The following ANOS1 variants were observed in gnomAD, a reference collection of about 807,000 sequenced individuals.
The protein encoded by ANOS1 is anosmin 1, also known as anosmin-1.
In ANOS1, 6 loss-of-function variants were observed where a neutral mutation model predicts 59.0. The observed-to-expected ratio is 0.10, with a 90% confidence interval of 0.06 to 0.20. The LOEUF is 0.20. ANOS1 is among the 10% of genes least tolerant of loss of function. The probability of loss-of-function intolerance (pLI) is 1.00; values close to 1 mark genes in which losing one functional copy is unlikely to be tolerated. For missense variants in ANOS1, 433 were observed against 542.3 expected, an observed-to-expected ratio of 0.80 and a Z score of 2.00; for synonymous variants, 217 against 223.4, an observed-to-expected ratio of 0.97 and a Z score of 0.25.
At chrX:8,605,322 G>A (rs1309266494) in intron 3 of ANOS1, among the ~76,000 whole-genome samples, 2 of 111,084 alleles carry the variant, frequency 1.8e-5, no homozygotes, top group African/African-American at 6.6e-5. Flanking sequence ...AGAGCATGAA[G>A]ACAAGGTAGT....
At chrX:8,694,911 A>C (rs2146895779) in intron 2 of ANOS1, among the ~76,000 whole-genome samples, 1 of 112,166 alleles carries the variant, frequency 8.9e-6, no homozygotes, top group African/African-American at 3.2e-5. Flanking sequence ...GTGTATATTT[A>C]CTTTCTTGAT....
chrX:8,693,504 A>G (rs759850936), intron 2 of ANOS1, among the ~76,000 whole-genome samples: 1 of 111,652 alleles, frequency 9.0e-6, no homozygotes, highest in African/African-American at 3.3e-5. Flanking sequence ...CCTTAAGACC[A>G]TGAGCAGAGC....
At chrX:8,602,782 AGGCTAGAGTACACTTGCAT>A (rs1930868075) in intron 3 of ANOS1, among the ~76,000 whole-genome samples, 1 of 110,985 alleles carries the variant, frequency 9.0e-6, no homozygotes, top group South Asian at 3.8e-4. Flanking sequence ...CTCTGTCGCC[AGGCTAGAGTACACTTGCAT>A]GATCTCGGCT....
intron 9 of ANOS1, among the ~76,000 whole-genome samples, chrX:8,547,821 A>G (rs1929793337): frequency 9.0e-6 from 1 of 110,930 alleles, no homozygotes; most frequent in East Asian, 2.8e-4. Context: ...GGTTCAAGCG[A>G]ATCTCCTGCC....
intron 3 of ANOS1, among the ~76,000 whole-genome samples, chrX:8,605,006 ATAGTATGT>A (rs1930913352): frequency 8.9e-6 from 1 of 112,858 alleles, no homozygotes; most frequent in Non-Finnish European, 1.9e-5. Context: ...TGAAAGGAAA[ATAGTATGT>A]TAATACATAA....
intron 8 of ANOS1, among the ~76,000 whole-genome samples, chrX:8,560,059 C>T (rs777829362): frequency 2.9e-4 from 32 of 111,611 alleles, no homozygotes; most frequent in African/African-American, 9.1e-4. Flanking sequence ...TGGGGCTATT[C>T]GGGGTGTTTT....
At chrX:8,613,254 C>G in intron 3 of ANOS1, among the ~76,000 whole-genome samples, 1 of 109,847 alleles carries the variant, frequency 9.1e-6, no homozygotes, top group Non-Finnish European at 1.9e-5. Flanking sequence ...GTCACCCAGG[C>G]TGGAGTGCAG....
intron 2 of ANOS1, among the ~76,000 whole-genome samples, chrX:8,657,495 G>GTC (rs1410699795): frequency 8.3e-4 from 79 of 95,658 alleles, no homozygotes; most frequent in Non-Finnish European, 1.4e-3. Flanking sequence ...TTTTTACGGA[G>GTC]TCTTGCTCTG....
chrX:8,552,494 A>G (rs138948272), intron 9 of ANOS1, among the ~76,000 whole-genome samples: 5,956 of 112,016 alleles, frequency 0.053, 391 homozygotes, highest in African/African-American at 0.18. Context: ...AATATAAATG[A>G]ATGAATTGTT....
intron 6 of ANOS1, among the ~76,000 whole-genome samples, chrX:8,572,289 A>T (rs1462623154): frequency 9.2e-6 from 1 of 108,377 alleles, no homozygotes; most frequent in Non-Finnish European, 1.9e-5. Flanking sequence ...CTACCTCCCC[A>T]CCTCCCCCAA....
At chrX:8,668,294 A>G (rs1351680155) in intron 2 of ANOS1, among the ~76,000 whole-genome samples, 6 of 105,260 alleles carry the variant, frequency 5.7e-5, no homozygotes, top group African/African-American at 2.1e-4. Flanking sequence ...TTAGTTTTCC[A>G]TTCCTGAGTT....
At chrX:8,612,306 A>G (rs2146837692) in intron 3 of ANOS1, among the ~76,000 whole-genome samples, 1 of 111,702 alleles carries the variant, frequency 9.0e-6, no homozygotes, top group Admixed American at 9.6e-5. Context: ...TAAAAATAAA[A>G]ACATGCTATA....
rs181512714 is a variant in ANOS1 at position 8,640,215 on chromosome X, C to G, written c.256-16545G>C. Among the ~76,000 whole-genome samples, 55 of 111,226 alleles carry G rather than the reference C, an allele frequency of 4.9e-4. 1 individual carries two copies. In the East Asian group the frequency reaches 0.014, roughly 29 times the overall value. On this transcript the variant is annotated intron_variant, in intron 2 of 13. Coordinates refer to ENST00000262648, the MANE Select transcript of ANOS1 (RefSeq NM_000216.4). The stretch of plus-strand genomic sequence containing the variant: ...GCAGGGGCTGCCTCTCTGGGGATCT[C>G]AAAGCCCTCCTTTGTGGGCCTAGTT...
At chrX:8,641,987 TA>T (rs1399060725) in intron 2 of ANOS1, among the ~76,000 whole-genome samples, 1 of 111,475 alleles carries the variant, frequency 9.0e-6, no homozygotes, top group East Asian at 2.8e-4. Flanking sequence ...GTTTTATGTA[TA>T]AAATCTCAGA....
At chrX:8,704,094 C>T (rs7055662) in intron 1 of ANOS1, among the ~76,000 whole-genome samples, 1,390 of 111,234 alleles carry the variant, frequency 0.012, 7 homozygotes, top group Middle Eastern at 0.023. Context: ...GCAGTTCCCC[C>T]GCACATGCTC....
At chrX:8,637,042 C>G (rs1281634949) in intron 2 of ANOS1, among the ~76,000 whole-genome samples, 1 of 112,361 alleles carries the variant, frequency 8.9e-6, no homozygotes, top group Non-Finnish European at 1.9e-5. Flanking sequence ...ATTTTATTCT[C>G]TCTTCACCAC....
At chrX:8,606,775 G>A in intron 3 of ANOS1, among the ~76,000 whole-genome samples, 2 of 112,382 alleles carry the variant, frequency 1.8e-5, no homozygotes, top group South Asian at 7.3e-4. Context: ...TTACTTTTCT[G>A]TGCGGTTTAT....
chrX:8,672,157 C>T (rs1932266116), intron 2 of ANOS1, among the ~76,000 whole-genome samples: 1 of 108,402 alleles, frequency 9.2e-6, no homozygotes, highest in African/African-American at 3.5e-5. Flanking sequence ...CATATACACA[C>T]ATGCACATAC....
At chrX:8,633,706 C>T (rs1931527928) in intron 2 of ANOS1, among the ~76,000 whole-genome samples, 1 of 111,991 alleles carries the variant, frequency 8.9e-6, no homozygotes. Context: ...CAGGTGTCTC[C>T]TGAAAGGATG....
Sources: allele counts gnomAD v4.1 joint callset (sites outside exome capture counted in the v4.1 genomes callset), GRCh38; gene constraint gnomAD v4.1.1; transcripts MANE v1.5; gene names NCBI Gene and HGNC (gene_info 2026-07-23, HGNC 2026-07-21).